Variants in CHDH observed in about 807,000 individuals in gnomAD.
CHDH encodes the protein choline dehydrogenase.
In CHDH, 43 loss-of-function variants were observed where a neutral mutation model predicts 56.9. The observed-to-expected ratio is 0.76, with a 90% CI of 0.59 to 0.97. CHDH has a LOEUF of 0.97. CHDH is among the 50% of genes least tolerant of loss of function. The pLI, the probability that CHDH is intolerant of heterozygous loss-of-function variation, is 0.00. For synonymous variants in CHDH, 364 were observed against 348.5 expected, an observed-to-expected ratio of 1.04 and a Z score of -0.50; for missense variants, 816 against 821.1, an observed-to-expected ratio of 0.99 and a Z score of 0.08.
At position 53,823,787 on chromosome 3, in the gene CHDH, G is replaced by A. The variant is rs776470226; in HGVS notation, c.222C>T (p.Pro74=). The change falls in exon 3 of 9, where the codon CCC becomes CCT. Residue 74 remains proline, a synonymous_variant. Coordinates refer to ENST00000315251, the MANE Select transcript of CHDH (RefSeq NM_018397.5). ...GCTTGCTCCCCGCGAGCACGTCCTT[G>A]GGCCCGGCCTCCAGCAGCAGCACGC... ...AERVLLLEAG[P]KDVLAGSKRL... is the part of the protein sequence containing the mutation. The A allele has an allele frequency of 6.4e-7, 1 of 1,574,524 alleles. No individual in the cohort carries two copies. The highest frequency in any genetic ancestry group is 8.6e-7 in the Non-Finnish European group (1 of 1,163,332).
At chr3:53,818,290 G>T (rs76970934) in intron 8 of CHDH, 95 bp from the exon 9 acceptor site, 19,822 of 1,156,118 alleles carry the variant, frequency 0.017, 213 homozygotes, top group Middle Eastern at 0.02. Context: ...TAAGCTGTCT[G>T]AGGGGATGGT....
At chr3:53,824,625 C>T (rs1283474497) in intron 2 of CHDH, among the ~76,000 whole-genome samples, 2 of 152,138 alleles carry the variant, frequency 1.3e-5, no homozygotes, top group Admixed American at 1.3e-4. Context: ...CCCGAGGGGC[C>T]ATGGGGAGCA....
chr3:53,844,749 C>G (rs999107966), intron 1 of CHDH: 1 of 152,348 alleles, frequency 6.6e-6, no homozygotes, highest in African/African-American at 2.4e-5. Context: ...TGCCTGCTCG[C>G]TCGTCTCAGA....
At position 53,823,856 on chromosome 3, in the gene CHDH, C is replaced by T. The variant is rs748820798; in HGVS notation, c.153G>A (p.Ala51=). 47 of 1,590,688 alleles carry T rather than the reference C, an allele frequency of 3.0e-5. No individual in the cohort carries two copies. Among genetic ancestry groups the T allele is most frequent in the South Asian group, 2.4e-4 (22 of 89,988 alleles). Residue 51 remains alanine, a synonymous_variant, in exon 3 of 9, where the codon GCG becomes GCA. Transcript: ENST00000315251. ...YSYVVVGAGS[A]GCVLAGRLTE... The stretch of plus-strand genomic sequence containing the variant: ...TGAGCCTCCCAGCCAGCACGCAGCC[C>T]GCCGAGCCCGCGCCCACCACCACAT...
intron 6 of CHDH, 110 bp downstream of exon 6, chr3:53,820,364 G>T: frequency 7.7e-7 from 1 of 1,299,374 alleles, no homozygotes; most frequent in Non-Finnish European, 1.1e-6. Context: ...AAGGTAAATG[G>T]CATAGTTCCG....
At chr3:53,844,266 A>G (rs1264903528) in intron 1 of CHDH, among the ~76,000 whole-genome samples, 2 of 152,022 alleles carry the variant, frequency 1.3e-5, no homozygotes, top group Admixed American at 6.5e-5. Flanking sequence ...CAGCTCAGCC[A>G]CCTCCAGACC....
chr3:53,829,766 C>G (rs537526672), intron 2 of CHDH, among the ~76,000 whole-genome samples: 38 of 152,198 alleles, frequency 2.5e-4, no homozygotes, highest in Non-Finnish European at 4.7e-4. Flanking sequence ...TGACTCCACT[C>G]CCTAACTATA....
intron 2 of CHDH, among the ~76,000 whole-genome samples, chr3:53,825,626 C>T (rs566715224): frequency 2.6e-5 from 4 of 151,994 alleles, no homozygotes; most frequent in East Asian, 1.9e-4. Flanking sequence ...GAGGGCAAGG[C>T]GGAAAGAAGA....
rs370425645 is a variant in CHDH, at chr3:53,822,524, G to A, written c.822C>T (p.Gly274=). Residue 274 remains glycine (G), a synonymous_variant, in exon 4 of 9, where the codon GGC becomes GGT. Coordinates refer to ENST00000315251, the MANE Select transcript of CHDH (RefSeq NM_018397.5). ...TCTGGCCATTCTTGACATACTCCAC[G>A]CCCACTGCACGGGTGCCCTCAAATA... The part of the protein sequence containing the change: ...RVLFEGTRAV[G]VEYVKNGQSH... 30 of 1,613,340 alleles carry A rather than the reference G, an allele frequency of 1.9e-5. No homozygotes were observed. Among genetic ancestry groups the A allele is most frequent in the Middle Eastern group, 1.6e-4 (1 of 6,078 alleles).
At chr3:53,822,666 A>G (rs1309324318) in intron 3 of CHDH, 24 bp from the exon 4 acceptor site, 1 of 1,599,174 alleles carries the variant, frequency 6.3e-7, no homozygotes, top group African/African-American at 1.3e-5. Flanking sequence ...TGAGGTGGTC[A>G]GGCATGGCTC....
At chr3:53,839,778 C>G (rs1486080553) in intron 2 of CHDH, among the ~76,000 whole-genome samples, 1 of 152,236 alleles carries the variant, frequency 6.6e-6, no homozygotes, top group Non-Finnish European at 1.5e-5. Flanking sequence ...TACTGCAGCA[C>G]TATTCCCAAT....
At chr3:53,821,590 C>T in intron 5 of CHDH, 57 bp downstream of exon 5, 2 of 1,517,980 alleles carry the variant, frequency 1.3e-6, no homozygotes, top group South Asian at 1.1e-5. Flanking sequence ...GATACATACA[C>T]TAAGCCTTTT....
At position 53,812,741 on chromosome 3, in the gene CHDH, T is replaced by C. The variant is rs2095606105; in HGVS notation, c.*5036A>G. The stretch of plus-strand genomic sequence containing the variant: ...GGTGGATGAGATATAGCTGCTCTTG[T>C]CCTCTGGGGACTGGTGGTGCTGCTT... On this transcript the variant is annotated 3_prime_UTR_variant, in exon 9 of 9. Transcript: ENST00000315251. 1.3e-5 allele frequency: 2 copies of C among 152,266 alleles called. No individual in the cohort carries two copies. Among genetic ancestry groups the C allele is most frequent in the Non-Finnish European group, 2.9e-5 (2 of 68,066 alleles). 9.4% of individuals were successfully genotyped at this position (152,266 alleles called of 1,614,324 possible).
At chr3:53,834,369 C>T (rs1178278729) in intron 2 of CHDH, among the ~76,000 whole-genome samples, 1 of 152,090 alleles carries the variant, frequency 6.6e-6, no homozygotes, top group South Asian at 2.1e-4. Flanking sequence ...TCTCTTGAAC[C>T]CAGGAGGCAG....
rs112299317 is a variant in CHDH at position 53,824,759 on chromosome 3, A to AAATC, written c.-59-696_-59-693dup. Among the ~76,000 whole-genome samples, 1,326 of 152,350 alleles carry AAATC rather than the reference A, an allele frequency of 8.7e-3. 16 individuals carry two copies. Among genetic ancestry groups the AAATC allele is most frequent in the African/African-American group, 0.03 (1,239 of 41,578 alleles). Reference sequence around the variant, plus strand: ...AAAGGGCCCTTTCCTAACAATGTTCAAATCAATCCCAGCATAGTGCACAGA... The same window carrying AAATC: ...AAAGGGCCCTTTCCTAACAATGTTCAAATCAATCAATCCCAGCATAGTGCACAGA... On this transcript the variant is annotated intron_variant, in intron 2 of 8. Coordinates refer to ENST00000315251, the MANE Select transcript of CHDH (RefSeq NM_018397.5).
chr3:53,819,754 T>G lies in CHDH; in HGVS notation c.1121-80A>C, dbSNP rs1030716120. The G allele has an allele frequency of 1.9e-5, 28 of 1,441,064 alleles. 1 individual carries two copies. The Admixed American group carries it at 6.9e-4, about 35-fold the overall frequency. The allele number at this position is 1,441,064 out of a possible 1,614,324, so 89.3% of individuals were successfully genotyped here. A position where few individuals can be genotyped will look rare whatever the true frequency, so the allele number is the denominator to read the frequency against. ...CCGGCTGCTCCTGGTTTCCCTCCTTTCTCCTGGCCGCTCCTCTTCCTTTTC... is the reference window on the plus strand; with the variant it reads ...CCGGCTGCTCCTGGTTTCCCTCCTTGCTCCTGGCCGCTCCTCTTCCTTTTC... On this transcript the variant is annotated intron_variant, in intron 6 of 8. Coordinates refer to ENST00000315251, the MANE Select transcript of CHDH (RefSeq NM_018397.5). The surrounding 1 kb of genome is among the most constrained non-coding windows in gnomAD (Gnocchi z 5.4).
intron 2 of CHDH, among the ~76,000 whole-genome samples, chr3:53,826,751 T>C (rs2095639756): frequency 6.6e-6 from 1 of 152,198 alleles, no homozygotes; most frequent in Non-Finnish European, 1.5e-5. Flanking sequence ...AAGTCCTATC[T>C]AATGCAGTAA....
At chr3:53,834,421 G>T (rs1186427315) in intron 2 of CHDH, among the ~76,000 whole-genome samples, 1 of 152,176 alleles carries the variant, frequency 6.6e-6, no homozygotes, top group Non-Finnish European at 1.5e-5. Flanking sequence ...ACTCCAGCCT[G>T]CAGGGACACA....
chr3:53,823,813 G>T lies in CHDH; in HGVS notation c.196C>A (p.Arg66Ser). Residue 66 changes from arginine (R) to serine (S), a missense_variant, in exon 3 of 9, where the codon CGC (arginine) becomes AGC (serine). By Grantham distance (110) the Arg-to-Ser change is moderately radical. Transcript: ENST00000315251. Reference protein sequence around the residue: ...AGRLTEDPAERVLLLEAGPKD... With the variant: ...AGRLTEDPAESVLLLEAGPKD... The stretch of plus-strand genomic sequence containing the variant: ...GGCCCGGCCTCCAGCAGCAGCACGC[G>T]CTCGGCGGGGTCCTCCGTGAGCCTC... 6.3e-7 allele frequency: 1 copy of T among 1,584,434 alleles called. No individual in the cohort carries two copies. The highest frequency in any genetic ancestry group is 1.1e-5 in the South Asian group (1 of 88,644).
Sources: gnomAD v4.1 joint callset for allele counts (sites outside exome capture counted in the v4.1 genomes callset) on GRCh38, gnomAD v4.1.1 for gene constraint, Gnocchi (gnomAD v3.1) non-coding constraint, MANE v1.5 for transcripts, NCBI Gene and HGNC (gene_info 2026-07-23, HGNC 2026-07-21) for gene names.